The following TMTC2 variants were observed in gnomAD, a reference collection of about 807,000 sequenced individuals.
TMTC2 encodes the protein transmembrane O-mannosyltransferase targeting cadherins 2.
TMTC2 carries 43 observed loss-of-function variants against 82.4 expected under a neutral mutation model. The ratio of observed to expected loss-of-function variants is 0.52; its 90% confidence interval spans 0.41 to 0.67. The LOEUF is 0.67. Among genes scored for constraint, TMTC2 ranks in the 30% least tolerant of loss-of-function variants. The pLI is 0.00. For synonymous variants in TMTC2, 408 were observed against 381.9 expected, an observed-to-expected ratio of 1.07 and a Z score of -0.80; for missense variants, 919 against 1,012.4, an observed-to-expected ratio of 0.91 and a Z score of 1.25.
intron 8 of TMTC2, among the ~76,000 whole-genome samples, chr12:83,030,321 AAT>A (rs1234679322): frequency 2.6e-5 from 4 of 152,174 alleles, no homozygotes; most frequent in Admixed American, 2.0e-4. Context: ...ATGACTGTGT[AAT>A]TCAATATAAT....
chr12:82,927,036 G>A (rs193260943), intron 3 of TMTC2, among the ~76,000 whole-genome samples: 14 of 152,228 alleles, frequency 9.2e-5, no homozygotes, highest in Admixed American at 9.2e-4. Context: ...CCCATGGATC[G>A]ATCAAGGAAT....
At chr12:82,865,711 C>T (rs1423232793) in intron 2 of TMTC2, among the ~76,000 whole-genome samples, 1 of 152,142 alleles carries the variant, frequency 6.6e-6, no homozygotes, top group African/African-American at 2.4e-5. Flanking sequence ...AATATACATT[C>T]TTCCCAGCAC....
At chr12:83,037,273 G>A (rs565950965) in intron 9 of TMTC2, among the ~76,000 whole-genome samples, 1 of 152,296 alleles carries the variant, frequency 6.6e-6, no homozygotes, top group African/African-American at 2.4e-5. Context: ...GAATTGGTGA[G>A]TGGCCTGTAT....
At chr12:82,953,826 T>C (rs960016058) in intron 4 of TMTC2, among the ~76,000 whole-genome samples, 3 of 112,130 alleles carry the variant, frequency 2.7e-5, no homozygotes, top group Non-Finnish European at 5.4e-5. Flanking sequence ...CTAAAATTTA[T>C]GTTTTATCTC....
At chr12:82,899,634 G>A (rs1248434485) in intron 3 of TMTC2, among the ~76,000 whole-genome samples, 11 of 124,846 alleles carry the variant, frequency 8.8e-5, no homozygotes, top group African/African-American at 3.5e-4. Context: ...ATATATATGT[G>A]GAATATATAT....
chr12:82,732,679 A>C (rs1874889868), intron 1 of TMTC2, among the ~76,000 whole-genome samples: 1 of 152,194 alleles, frequency 6.6e-6, no homozygotes, highest in Admixed American at 6.5e-5. Flanking sequence ...GAATGACTGA[A>C]TATGGTAGCT....
At chr12:82,710,071 T>G (rs1873552651) in intron 1 of TMTC2, among the ~76,000 whole-genome samples, 1 of 152,222 alleles carries the variant, frequency 6.6e-6, no homozygotes, top group African/African-American at 2.4e-5. Context: ...GGAGGTATTT[T>G]GATGTCAGTA....
chr12:82,824,447 G>T (rs528142573), intron 1 of TMTC2, among the ~76,000 whole-genome samples: 1 of 152,270 alleles, frequency 6.6e-6, no homozygotes, highest in African/African-American at 2.4e-5. Flanking sequence ...GAAGTATCTG[G>T]CACTTAGCAT....
chr12:82,822,171 A>T (rs538428646), intron 1 of TMTC2, among the ~76,000 whole-genome samples: 6 of 152,342 alleles, frequency 3.9e-5, no homozygotes, highest in African/African-American at 1.4e-4. Context: ...GGGAGGGATG[A>T]AAAGGCAGAG....
chr12:82,971,300 C>T (rs1204958055), intron 7 of TMTC2, among the ~76,000 whole-genome samples: 1 of 151,930 alleles, frequency 6.6e-6, no homozygotes, highest in African/African-American at 2.4e-5. Context: ...AATAGTTTTC[C>T]TTTGCACTTA....
chr12:82,909,890 T>G (rs547634226), intron 3 of TMTC2, among the ~76,000 whole-genome samples: 2 of 152,294 alleles, frequency 1.3e-5, no homozygotes, highest in East Asian at 3.9e-4. Context: ...GAGCTACTAT[T>G]TTTGAAATAT....
intron 1 of TMTC2, among the ~76,000 whole-genome samples, chr12:82,745,688 A>C (rs561743574): frequency 6.6e-6 from 1 of 152,364 alleles, no homozygotes; most frequent in South Asian, 2.1e-4. Context: ...TGCAGGTGTC[A>C]CATCAGCCTG....
chr12:82,968,737 G>A (rs1878325577), intron 7 of TMTC2, among the ~76,000 whole-genome samples: 1 of 152,096 alleles, frequency 6.6e-6, no homozygotes, highest in Non-Finnish European at 1.5e-5. Flanking sequence ...CCAGTACCTT[G>A]GGATCTGTCT....
chr12:82,964,762 G>A (rs1300130277), intron 4 of TMTC2, among the ~76,000 whole-genome samples: 1 of 152,096 alleles, frequency 6.6e-6, no homozygotes, highest in Non-Finnish European at 1.5e-5. Flanking sequence ...AGCTAGAAAA[G>A]GGGAAAGTTC....
At chr12:83,084,312 A>G (rs1399928627) in intron 11 of TMTC2, among the ~76,000 whole-genome samples, 1 of 152,192 alleles carries the variant, frequency 6.6e-6, no homozygotes, top group East Asian at 1.9e-4. Context: ...TAACCCTTTA[A>G]CTTTGCTTGG....
intron 9 of TMTC2, among the ~76,000 whole-genome samples, chr12:83,040,215 C>T (rs1413290752): frequency 6.6e-6 from 1 of 152,154 alleles, no homozygotes; most frequent in African/African-American, 2.4e-5. Flanking sequence ...GAATTTGAGC[C>T]TCTTCTGACA....
chr12:83,122,367 A>G (rs141105659), intron 11 of TMTC2, among the ~76,000 whole-genome samples: 215 of 150,952 alleles, frequency 1.4e-3, no homozygotes, highest in African/African-American at 5.0e-3. Flanking sequence ...CATTGTTACA[A>G]ACTTCAGCTG....
chr12:82,728,425 A>G (rs879644219), intron 1 of TMTC2, among the ~76,000 whole-genome samples: 10 of 152,076 alleles, frequency 6.6e-5, no homozygotes, highest in Admixed American at 2.0e-4. Flanking sequence ...TTTTAATGGA[A>G]AACAGCAGAC....
chr12:83,119,685 A>G (rs184675524), intron 11 of TMTC2, among the ~76,000 whole-genome samples: 161 of 152,226 alleles, frequency 1.1e-3, no homozygotes, highest in Non-Finnish European at 1.9e-3. Flanking sequence ...GTTTAAATCC[A>G]TTGTTTCTTC....
Sources: gnomAD v4.1 joint callset for allele counts (sites outside exome capture counted in the v4.1 genomes callset) on GRCh38, gnomAD v4.1.1 for gene constraint, MANE v1.5 for transcripts, NCBI Gene and HGNC (gene_info 2026-07-23, HGNC 2026-07-21) for gene names.